The following NRG1 variants were observed in gnomAD, a reference collection of about 807,000 sequenced individuals.
The protein encoded by NRG1 is neuregulin 1, also known as pro-neuregulin-1, membrane-bound isoform.
In NRG1, 18 loss-of-function variants were observed where a neutral mutation model predicts 63.8. The observed-to-expected ratio is 0.28, with a 90% CI of 0.19 to 0.42. The LOEUF is 0.42. Among genes scored for constraint, NRG1 ranks in the 10% least tolerant of loss-of-function variants. The pLI is 1.00. For synonymous variants in NRG1, 302 were observed against 301.3 expected (o/e 1.00, Z -0.02); for missense variants, 762 against 814.7 (o/e 0.94, Z 0.79).
intron 1 of NRG1, among the ~76,000 whole-genome samples, chr8:32,344,482 A>AC (rs1383170051): frequency 6.9e-6 from 1 of 144,778 alleles, no homozygotes; most frequent in Non-Finnish European, 1.5e-5. Context: ...CCCAGGCTGG[A>AC]GTGCACTGGT....
chr8:32,243,289 TG>T (rs1450879024), intron 1 of NRG1, among the ~76,000 whole-genome samples: 1 of 151,978 alleles, frequency 6.6e-6, no homozygotes, highest in Non-Finnish European at 1.5e-5. Flanking sequence ...CTAGGTATGG[TG>T]GTGCATGCCT....
chr8:32,670,477 G>T (rs1805348646), intron 5 of NRG1, among the ~76,000 whole-genome samples: 1 of 151,926 alleles, frequency 6.6e-6, no homozygotes, highest in Non-Finnish European at 1.5e-5. Context: ...GTGATATTTT[G>T]GGAGTTATTC....
chr8:32,024,765 C>T (rs544733289), intron 1 of NRG1, among the ~76,000 whole-genome samples: 1 of 152,234 alleles, frequency 6.6e-6, no homozygotes, highest in South Asian at 2.1e-4. Context: ...TGTATTATCT[C>T]CTACAGATCA....
intron 1 of NRG1, among the ~76,000 whole-genome samples, chr8:31,811,549 C>T (rs1261357794): frequency 6.6e-6 from 1 of 152,010 alleles, no homozygotes; most frequent in Non-Finnish European, 1.5e-5. Flanking sequence ...TCTTCTTTGC[C>T]TCTATTGTAT....
At chr8:32,296,422 T>C (rs1854877805) in intron 1 of NRG1, among the ~76,000 whole-genome samples, 1 of 152,070 alleles carries the variant, frequency 6.6e-6, no homozygotes, top group Admixed American at 6.5e-5. Flanking sequence ...CAGACCATCC[T>C]GGCCAAACTA....
At chr8:32,681,349 TTTTCA>T (rs1205049127) in intron 5 of NRG1, among the ~76,000 whole-genome samples, 2 of 152,114 alleles carry the variant, frequency 1.3e-5, no homozygotes, top group Non-Finnish European at 2.9e-5. Context: ...CAGTGAGCCT[TTTTCA>T]TTTAAGTACA....
chr8:32,773,128 A>G (rs1831910848), intron 7 of NRG1, among the ~76,000 whole-genome samples: 1 of 152,206 alleles, frequency 6.6e-6, no homozygotes, highest in African/African-American at 2.4e-5. Flanking sequence ...TATTGGAGTT[A>G]GAAAGAATTT....
In NRG1 at chr8:32,691,539, AG is replaced by A. The variant is rs142891005; in HGVS notation, c.503-36409del. On this transcript the variant is annotated intron_variant, in intron 5 of 11. Transcript: ENST00000356819. ...AAACACAGAATCTAAAAATGATCTG[AG>A]AAAAAGAGAATTGCAATTACAACCA... Among the ~76,000 whole-genome samples, 1,143 of 152,342 alleles carry A rather than the reference AG, an allele frequency of 7.5e-3. 11 individuals carry two copies. Among genetic ancestry groups the A allele is most frequent in the Non-Finnish European group, 0.011 (773 of 68,036 alleles).
intron 1 of NRG1, among the ~76,000 whole-genome samples, chr8:31,792,614 A>G (rs919382180): frequency 6.6e-6 from 1 of 152,264 alleles, no homozygotes; most frequent in Non-Finnish European, 1.5e-5. Context: ...AGGGCTTAGT[A>G]AGCCATTACT....
intron 1 of NRG1, among the ~76,000 whole-genome samples, chr8:31,684,008 C>T (rs2131079940): frequency 6.6e-6 from 1 of 152,244 alleles, no homozygotes; most frequent in East Asian, 1.9e-4. Flanking sequence ...TAAGAGAAGA[C>T]TTGATTCTCA....
At chr8:31,851,904 CA>C (rs1460657117) in intron 1 of NRG1, among the ~76,000 whole-genome samples, 1 of 151,114 alleles carries the variant, frequency 6.6e-6, no homozygotes, top group African/African-American at 2.4e-5. Context: ...TGATGATTTC[CA>C]ATTTCATCCA....
intron 1 of NRG1, among the ~76,000 whole-genome samples, chr8:32,054,300 G>C (rs540483235): frequency 6.6e-6 from 1 of 152,302 alleles, no homozygotes; most frequent in Admixed American, 6.5e-5. Context: ...ACGTGACTCT[G>C]AGTTTTTGAG....
At chr8:31,966,435 G>A (rs1806342924) in intron 1 of NRG1, among the ~76,000 whole-genome samples, 1 of 152,192 alleles carries the variant, frequency 6.6e-6, no homozygotes, top group African/African-American at 2.4e-5. Flanking sequence ...CCAAAAACCT[G>A]CATGAAGACA....
intron 5 of NRG1, among the ~76,000 whole-genome samples, chr8:32,638,279 C>CAT (rs1851702453): frequency 2.0e-5 from 3 of 151,942 alleles, no homozygotes; most frequent in African/African-American, 7.3e-5. Flanking sequence ...CAAACCTGCA[C>CAT]GTTGTGCACA....
At chr8:32,120,321 T>C (rs1018889737) in intron 1 of NRG1, among the ~76,000 whole-genome samples, 12 of 152,106 alleles carry the variant, frequency 7.9e-5, no homozygotes, top group African/African-American at 2.4e-4. Context: ...TTTGGAATCA[T>C]TCCACAGTCC....
chr8:31,988,237 T>G (rs1038321434), intron 1 of NRG1, among the ~76,000 whole-genome samples: 1 of 152,038 alleles, frequency 6.6e-6, no homozygotes, highest in Non-Finnish European at 1.5e-5. Context: ...CCACAGACAA[T>G]TGGGTTAATG....
Position 32,631,742 on chromosome 8 carries a change from C to A in NRG1, c.502+14857C>A, listed in dbSNP as rs1436899077. On this transcript the variant is annotated intron_variant, in intron 5 of 11. Transcript: ENST00000356819. Reference sequence around the variant, plus strand: ...TATAGAAAAAGAATATCTTTGCTGACCAAACTGCATGCTTAATTCAACATG... The same window carrying A: ...TATAGAAAAAGAATATCTTTGCTGAACAAACTGCATGCTTAATTCAACATG... Among the ~76,000 whole-genome samples, 4 of 152,124 alleles carry A rather than the reference C, an allele frequency of 2.6e-5. No individual in the cohort carries two copies. The East Asian group carries it at 7.7e-4, about 29-fold the overall frequency.
At chr8:31,974,155 T>A (rs1382989750) in intron 1 of NRG1, among the ~76,000 whole-genome samples, 1 of 152,110 alleles carries the variant, frequency 6.6e-6, no homozygotes, top group Non-Finnish European at 1.5e-5. Context: ...ACAACAGGCA[T>A]ATACATGACA....
chr8:32,005,745 A>T (rs1459166947), intron 1 of NRG1, among the ~76,000 whole-genome samples: 4 of 151,648 alleles, frequency 2.6e-5, no homozygotes, highest in African/African-American at 9.7e-5. Flanking sequence ...GTGAGTGTTA[A>T]ATTATTATTA....
Sources: allele counts gnomAD v4.1 joint callset (sites outside exome capture counted in the v4.1 genomes callset), GRCh38; gene constraint gnomAD v4.1.1; transcripts MANE v1.5; gene names NCBI Gene and HGNC (gene_info 2026-07-23, HGNC 2026-07-21).